Variants in ROR1 observed in about 807,000 individuals in gnomAD.
ROR1 encodes the protein inactive tyrosine-protein kinase transmembrane receptor ROR1.
A neutral mutation model predicts 78.8 loss-of-function variants in ROR1; 19 were observed. That is an observed-to-expected ratio of 0.24 (90% confidence interval 0.17 to 0.35). ROR1 has a LOEUF of 0.35. ROR1 is among the 10% of genes least tolerant of loss of function. The probability of loss-of-function intolerance (pLI) is 1.00; values close to 1 mark genes in which losing one functional copy is unlikely to be tolerated. For synonymous variants in ROR1, 386 were observed against 433.6 expected (o/e 0.89, Z 1.36); for missense variants, 917 against 1,177.8 (o/e 0.78, Z 3.24).
chr1:63,879,758 T>G (rs1311536953), intron 1 of ROR1, among the ~76,000 whole-genome samples: 1 of 152,102 alleles, frequency 6.6e-6, no homozygotes, highest in East Asian at 1.9e-4. Context: ...CAGACCTGAG[T>G]AATGCTAATT....
At chr1:64,025,153 A>G (rs1353369149) in intron 2 of ROR1, among the ~76,000 whole-genome samples, 2 of 152,154 alleles carry the variant, frequency 1.3e-5, no homozygotes, top group Non-Finnish European at 2.9e-5. Flanking sequence ...TCTGAATCAA[A>G]TTGAGCAATA....
At chr1:63,785,126 G>T (rs1012475580) in intron 1 of ROR1, among the ~76,000 whole-genome samples, 1 of 152,144 alleles carries the variant, frequency 6.6e-6, no homozygotes, top group Non-Finnish European at 1.5e-5. Context: ...CACCATTTCC[G>T]GATGGGTTTA....
In ROR1 at chr1:63,844,404, C is replaced by T. The variant is rs558154176; in HGVS notation, c.91+69896C>T. Among the ~76,000 whole-genome samples, 14 of 152,262 alleles carry T rather than the reference C, an allele frequency of 9.2e-5. No homozygotes were observed. The East Asian group carries it at 2.3e-3, about 25-fold the overall frequency. ...TCTCTTGGATGCTCCATGCATGTGT[C>T]GGCCATTGAGCTGTAAATATCTACT... On this transcript the variant is annotated intron_variant, in intron 1 of 8. Transcript: ENST00000371079.
At chr1:64,011,422 C>A (rs894080587) in intron 2 of ROR1, among the ~76,000 whole-genome samples, 1 of 152,180 alleles carries the variant, frequency 6.6e-6, no homozygotes, top group Non-Finnish European at 1.5e-5. Flanking sequence ...ATGGTGCCAA[C>A]AGAAAAATTA....
chr1:63,881,575 C>A (rs1645323402), intron 1 of ROR1, among the ~76,000 whole-genome samples: 1 of 152,104 alleles, frequency 6.6e-6, no homozygotes, highest in Non-Finnish European at 1.5e-5. Context: ...ACAATTAGTG[C>A]AAAAGACTAC....
chr1:63,791,929 C>T (rs1267025515), intron 1 of ROR1, among the ~76,000 whole-genome samples: 6 of 152,016 alleles, frequency 3.9e-5, no homozygotes, highest in South Asian at 4.1e-4. Flanking sequence ...CAGATATTTA[C>T]GTGGCAGGCA....
chr1:64,078,783 A>G (rs1330853534), intron 4 of ROR1, among the ~76,000 whole-genome samples: 1 of 152,190 alleles, frequency 6.6e-6, no homozygotes. Flanking sequence ...TTGTACCTGC[A>G]TGACGCCTGA....
chr1:63,984,435 G>T (rs1001649540), intron 1 of ROR1, among the ~76,000 whole-genome samples: 3 of 152,142 alleles, frequency 2.0e-5, no homozygotes, highest in African/African-American at 7.2e-5. Flanking sequence ...CCTTGGGAGG[G>T]TGCCACGTGG....
At chr1:63,830,141 A>C (rs1376707364) in intron 1 of ROR1, among the ~76,000 whole-genome samples, 1 of 152,154 alleles carries the variant, frequency 6.6e-6, no homozygotes, top group African/African-American at 2.4e-5. Flanking sequence ...TGGGGCAGAC[A>C]ATTAAAGCAG....
intron 7 of ROR1, among the ~76,000 whole-genome samples, chr1:64,156,021 T>G (rs778527639): frequency 2.0e-5 from 3 of 152,136 alleles, no homozygotes; most frequent in Non-Finnish European, 2.9e-5. Context: ...TTTATTCCAT[T>G]GAATAAATGA....
chr1:63,801,767 A>G (rs1033934730), intron 1 of ROR1, among the ~76,000 whole-genome samples: 1 of 152,240 alleles, frequency 6.6e-6, no homozygotes, highest in African/African-American at 2.4e-5. Context: ...TGAAGAAATG[A>G]AATTAACTAT....
At chr1:63,975,269 A>C (rs1646150371) in intron 1 of ROR1, among the ~76,000 whole-genome samples, 1 of 152,222 alleles carries the variant, frequency 6.6e-6, no homozygotes, top group Non-Finnish European at 1.5e-5. Flanking sequence ...CTCCCAAACG[A>C]ATAAAAGTTG....
At chr1:64,138,979 A>G (rs900850604) in intron 5 of ROR1, among the ~76,000 whole-genome samples, 3 of 151,978 alleles carry the variant, frequency 2.0e-5, no homozygotes, top group African/African-American at 7.3e-5. Context: ...CCCGGCCTAC[A>G]TAGCAAAACC....
intron 2 of ROR1, among the ~76,000 whole-genome samples, chr1:64,023,911 G>A (rs1646586143): frequency 6.6e-6 from 1 of 152,198 alleles, no homozygotes; most frequent in South Asian, 2.1e-4. Flanking sequence ...ATGGTAGGAG[G>A]TGATTGGATC....
intron 1 of ROR1, among the ~76,000 whole-genome samples, chr1:63,918,722 C>T (rs537810941): frequency 2.6e-4 from 40 of 152,092 alleles, no homozygotes; most frequent in Middle Eastern, 6.8e-3. Context: ...TGCCAGAGAC[C>T]GTTAGGGAGT....
At chr1:63,980,776 T>C (rs1570009077) in intron 1 of ROR1, among the ~76,000 whole-genome samples, 1 of 151,808 alleles carries the variant, frequency 6.6e-6, no homozygotes, top group Non-Finnish European at 1.5e-5. Flanking sequence ...GGGAAGGAGG[T>C]AGGGATGGCC....
chr1:64,144,424 A>T (rs1225296562), intron 7 of ROR1, among the ~76,000 whole-genome samples: 1 of 152,202 alleles, frequency 6.6e-6, no homozygotes, highest in African/African-American at 2.4e-5. Flanking sequence ...AGAGGAGCAT[A>T]TCTACTTAAC....
chr1:63,943,904 CGTCTCT>C (rs1453135970), intron 1 of ROR1, among the ~76,000 whole-genome samples: 5 of 152,128 alleles, frequency 3.3e-5, no homozygotes, highest in Non-Finnish European at 7.4e-5. Flanking sequence ...TTTATTCTTT[CGTCTCT>C]GTCTTTTCTG....
At chr1:63,882,131 C>A (rs559381553) in intron 1 of ROR1, among the ~76,000 whole-genome samples, 1 of 152,046 alleles carries the variant, frequency 6.6e-6, no homozygotes, top group African/African-American at 2.4e-5. Context: ...AGATCCCCCC[C>A]GGTGAATAAA....
Sources: allele counts gnomAD v4.1 joint callset (sites outside exome capture counted in the v4.1 genomes callset), GRCh38; gene constraint gnomAD v4.1.1; transcripts MANE v1.5; gene names NCBI Gene and HGNC (gene_info 2026-07-23, HGNC 2026-07-21).